The following FHIP2B variants were observed in gnomAD, a reference collection of about 807,000 sequenced individuals.
FHIP2B encodes FHF complex subunit HOOK interacting protein 2B.
In FHIP2B, 72 loss-of-function variants were observed where a neutral mutation model predicts 84.0. The ratio of observed to expected loss-of-function variants is 0.86; its 90% CI spans 0.71 to 1.04. The LOEUF (loss-of-function observed/expected upper bound fraction) is 1.04. FHIP2B is among the 50% of genes least tolerant of loss of function. The probability of loss-of-function intolerance (pLI) is 0.00; values close to 1 mark genes in which losing one functional copy is unlikely to be tolerated. For missense variants in FHIP2B, 972 were observed against 968.9 expected (o/e 1.00, Z -0.04); for synonymous variants, 497 against 418.7 (o/e 1.19, Z -2.28).
chr8:22,094,916 A>G, intron 2 of FHIP2B: 1 of 1,074,000 alleles, frequency 9.3e-7, no homozygotes, highest in South Asian at 2.6e-5. Flanking sequence ...CTTTCCCCTG[A>G]GCCAGCTTAG....
At chr8:22,089,327 C>T in intron 1 of FHIP2B, 29 bp downstream of exon 1, 1 of 998,054 alleles carries the variant, frequency 1.0e-6, no homozygotes, top group Non-Finnish European at 1.2e-6. Context: ...GGCCGGGCCG[C>T]CGGGAGTCGC....
At chr8:22,092,041 G>A (rs1056909213) in intron 1 of FHIP2B, among the ~76,000 whole-genome samples, 10 of 152,254 alleles carry the variant, frequency 6.6e-5, no homozygotes, top group African/African-American at 1.7e-4. Flanking sequence ...AGTGAGATGC[G>A]GTCACTGCAC....
chr8:22,097,906 C>T (rs1162722892), intron 5 of FHIP2B, 67 bp downstream of exon 5: 10 of 1,585,240 alleles, frequency 6.3e-6, no homozygotes, highest in Non-Finnish European at 8.6e-6. Context: ...CCTCTGCCCT[C>T]CTGAGGAGGC....
chr8:22,099,554 C>G (rs1320329311), intron 9 of FHIP2B, 150 bp from the exon 10 acceptor site: 2 of 1,090,186 alleles, frequency 1.8e-6, no homozygotes, highest in African/African-American at 3.2e-5. Context: ...CGAAGGCCTC[C>G]TACCCTTCCC....
intron 1 of FHIP2B, among the ~76,000 whole-genome samples, chr8:22,091,288 G>C: frequency 7.5e-6 from 1 of 133,072 alleles, no homozygotes; most frequent in Non-Finnish European, 1.6e-5. Context: ...GTCTTCCACT[G>C]TCACCCAGGC....
At chr8:22,096,276 A>C in intron 2 of FHIP2B, 61 bp from the exon 3 acceptor site, 1 of 1,438,156 alleles carries the variant, frequency 7.0e-7, no homozygotes, top group Non-Finnish European at 9.2e-7. Flanking sequence ...GAGAGGGTGA[A>C]GTTTTCAAGC....
rs1317322304 is a variant in FHIP2B, at chr8:22,102,230, C to T, written c.1907C>T (p.Pro636Leu). Residue 636 changes from proline (P) to leucine (L), a missense_variant, in exon 15 of 17, where the codon CCC (proline) becomes CTC (leucine). Transcript: ENST00000289921. The part of the protein sequence containing the change: ...TSVLSRLALF[P>L]HPHIHEYLLD... Reference sequence around the variant, plus strand: ...GTCCTGTCCCGGCTTGCCCTCTTCCCCCACCCCCATATTCATGAGTACCTG... The same window carrying T: ...GTCCTGTCCCGGCTTGCCCTCTTCCTCCACCCCCATATTCATGAGTACCTG... 1.2e-6 allele frequency: 2 copies of T among 1,613,344 alleles called. No individual in the cohort carries two copies. Among genetic ancestry groups the T allele is most frequent in the Non-Finnish European group, 8.5e-7 (1 of 1,179,888 alleles).
intron 1 of FHIP2B, chr8:22,089,774 C>G (rs1205573659): frequency 7.8e-7 from 1 of 1,285,796 alleles, no homozygotes; most frequent in African/African-American, 1.5e-5. Flanking sequence ...ACTCCAGGAC[C>G]TTGTTGGGGT....
At position 22,099,337 on chromosome 8, in the gene FHIP2B, C is replaced by T. The variant is rs1160551447; in HGVS notation, c.1128C>T (p.Thr376=). The T allele has an allele frequency of 1.2e-6, 2 of 1,613,702 alleles. No homozygotes were observed. The highest frequency in any genetic ancestry group is 1.7e-6 in the Non-Finnish European group (2 of 1,179,800). ...TGGCTGAGAACTTCTTCGTGGAGACCCTGCAGCCCCAGCTCCTGCACGTGT... is the reference window on the plus strand; with the variant it reads ...TGGCTGAGAACTTCTTCGTGGAGACTCTGCAGCCCCAGCTCCTGCACGTGT... The part of the protein sequence containing the change: ...KAVAENFFVE[T]LQPQLLHVSE... The change falls in exon 9 of 17, where the codon ACC becomes ACT. Residue 376 remains threonine (T), a synonymous_variant. Transcript: ENST00000289921.
intron 1 of FHIP2B, among the ~76,000 whole-genome samples, chr8:22,092,970 C>G (rs571853968): frequency 1.3e-5 from 2 of 152,270 alleles, no homozygotes; most frequent in East Asian, 3.9e-4. Flanking sequence ...AGGTGTTAGT[C>G]ATCCTCATGT....
chr8:22,099,882 C>T lies in FHIP2B; in HGVS notation c.1330C>T (p.Leu444Phe), dbSNP rs1046210159. 3 of 1,610,316 alleles carry T rather than the reference C, an allele frequency of 1.9e-6. No individual in the cohort carries two copies. The highest frequency in any genetic ancestry group is 3.4e-5 in the Admixed American group (2 of 59,222). ...YAHLIGHCDH[L>F]SDEISITTLR... Reference sequence around the variant, plus strand: ...TCATCTCATCGGGCATTGTGACCACCTCTCTGATGAGGTACAGTGGGGGAC... The same window carrying T: ...TCATCTCATCGGGCATTGTGACCACTTCTCTGATGAGGTACAGTGGGGGAC... The change falls in exon 10 of 17, where the codon CTC becomes TTC. Residue 444 changes from leucine to phenylalanine, a missense_variant. Coordinates refer to ENST00000289921, the MANE Select transcript of FHIP2B (RefSeq NM_022749.7).
chr8:22,101,558 C>T, intron 13 of FHIP2B, 28 bp downstream of exon 13: 1 of 1,598,602 alleles, frequency 6.3e-7, no homozygotes, highest in Admixed American at 1.7e-5. Flanking sequence ...CCAGCTCCCA[C>T]TTCCTGTCCT....
chr8:22,102,093 G>C (rs760079755), intron 14 of FHIP2B, 82 bp from the exon 15 acceptor site: 521 of 1,607,676 alleles, frequency 3.2e-4, no homozygotes, highest in Non-Finnish European at 4.2e-4. Context: ...CACGTTCACA[G>C]TGGCCAGGCA....
intron 9 of FHIP2B, 46 bp from the exon 10 acceptor site, chr8:22,099,658 G>A: frequency 6.6e-7 from 1 of 1,523,364 alleles, no homozygotes. Context: ...GCACTCATGT[G>A]CTGTCTGCAC....
At chr8:22,097,691 C>CT (rs1056953904) in intron 4 of FHIP2B, 26 bp from the exon 5 acceptor site, 9 of 1,611,394 alleles carry the variant, frequency 5.6e-6, no homozygotes, top group South Asian at 2.2e-5. Flanking sequence ...CCTCTCCCCT[C>CT]TGTTTCTGTC....
At position 22,104,221 on chromosome 8, in the gene FHIP2B, G is replaced by A. The variant is rs77746784; in HGVS notation, c.*1290G>A. 0.012 allele frequency: 1,762 copies of A among 152,458 alleles called. 7 individuals are homozygous for A. Among genetic ancestry groups the A allele is most frequent in the Non-Finnish European group, 0.013 (910 of 68,022 alleles). 9.4% of individuals were successfully genotyped at this position (152,458 alleles called of 1,614,324 possible). A position where few individuals can be genotyped will look rare whatever the true frequency, so the allele number is the denominator to read the frequency against. ...CACAAACGTGGGTGTTGGTGTGGACGGGGCGCAGATCTCCGTGGATGAACT... is the reference window on the plus strand; with the variant it reads ...CACAAACGTGGGTGTTGGTGTGGACAGGGCGCAGATCTCCGTGGATGAACT... On this transcript the variant is annotated 3_prime_UTR_variant, in exon 17 of 17. Transcript: ENST00000289921.
chr8:22,098,068 G>A lies in FHIP2B; in HGVS notation c.526G>A (p.Gly176Ser), dbSNP rs779659011. 1 of 1,590,804 alleles carries A rather than the reference G, an allele frequency of 6.3e-7. No individual in the cohort carries two copies. Among genetic ancestry groups the A allele is most frequent in the Non-Finnish European group, 8.6e-7 (1 of 1,168,678 alleles). The change falls in exon 6 of 17, where the codon GGT (glycine) becomes AGT (serine). Residue 176 changes from glycine (G) to serine (S), a missense_variant and splice_region_variant. By Grantham distance (56) the Gly-to-Ser change is moderately conservative. Transcript: ENST00000289921. Reference sequence around the variant, plus strand: ...TGGCCTCATCTCACCCTCTTTTCAGGGTAAAAAGATTGTAGGTAGGAAGAA... The same window carrying A: ...TGGCCTCATCTCACCCTCTTTTCAGAGTAAAAAGATTGTAGGTAGGAAGAA... ...DPELLAYILE[G>S]KKIVGRKKAC... is the part of the protein sequence containing the mutation.
rs140321569 is a variant in FHIP2B at position 22,094,555 on chromosome 8, G to A, written c.124+37G>A. 14,008 of 1,607,818 alleles carry A rather than the reference G, an allele frequency of 8.7e-3. 94 individuals carry two copies. The highest frequency in any genetic ancestry group is 0.01 in the Non-Finnish European group (11,802 of 1,178,116). On this transcript the variant is annotated intron_variant, in intron 2 of 16. Coordinates refer to ENST00000289921, the MANE Select transcript of FHIP2B (RefSeq NM_022749.7). ...CCCTCCCCAGCCCAGGGACCCTGGA[G>A]GGAGCGGGGAGGAAGGAGTGTGCAG...
At chr8:22,094,787 C>T in intron 2 of FHIP2B, 1 of 1,264,482 alleles carries the variant, frequency 7.9e-7, no homozygotes, top group Non-Finnish European at 1.0e-6. Context: ...GTCTCACTGG[C>T]CTGACTCTGC....
Sources: gnomAD v4.1 joint callset for allele counts (sites outside exome capture counted in the v4.1 genomes callset) on GRCh38, gnomAD v4.1.1 for gene constraint, MANE v1.5 for transcripts, NCBI Gene and HGNC (gene_info 2026-07-23, HGNC 2026-07-21) for gene names.